Variants in CAPRIN2 observed in about 807,000 individuals in gnomAD.
The protein encoded by CAPRIN2 is caprin-2.
Under a neutral mutation model 130.4 loss-of-function variants are expected in CAPRIN2, and 66 were observed. The ratio of observed to expected loss-of-function variants is 0.51; its 90% CI spans 0.42 to 0.62. The LOEUF (loss-of-function observed/expected upper bound fraction) is 0.62, where lower values mean the gene tolerates loss of function less well. Ranked by LOEUF, CAPRIN2 falls within the 20% of genes least tolerant of loss-of-function variation. CAPRIN2 has a pLI of 0.00. For synonymous variants in CAPRIN2, 471 were observed against 444.1 expected (o/e 1.06, Z -0.76); for missense variants, 1,185 against 1,246.6 (o/e 0.95, Z 0.74).
chr12:30,731,493 GA>G lies in CAPRIN2; in HGVS notation c.909del (p.Leu304TyrfsTer6). 6.2e-7 allele frequency: 1 copy of G among 1,612,500 alleles called. No homozygotes were observed. The highest frequency in any genetic ancestry group is 8.5e-7 in the Non-Finnish European group (1 of 1,179,038). ...CCTGAGTTCAGCAATTTAGACAGTA[GA>G]TCCTTCAAGTGTTTGTCTAAGAAAG... On this transcript the variant is annotated frameshift_variant, in exon 6 of 17. Transcript: ENST00000298892. LOFTEE classifies it high-confidence loss of function.
At chr12:30,744,816 A>T (rs2069168061) in intron 2 of CAPRIN2, among the ~76,000 whole-genome samples, 1 of 152,184 alleles carries the variant, frequency 6.6e-6, no homozygotes, top group South Asian at 2.1e-4. Context: ...TAAGTACAGC[A>T]CCTCCTAGAG....
chr12:30,737,393 A>C (rs2065347978), intron 3 of CAPRIN2, among the ~76,000 whole-genome samples: 1 of 152,136 alleles, frequency 6.6e-6, no homozygotes, highest in Admixed American at 6.5e-5. Context: ...TCAGGGCCTC[A>C]AATTTTTGTT....
At chr12:30,742,297 T>C (rs2067854344) in intron 2 of CAPRIN2, among the ~76,000 whole-genome samples, 1 of 152,122 alleles carries the variant, frequency 6.6e-6, no homozygotes, top group Non-Finnish European at 1.5e-5. Context: ...TACAGAACAA[T>C]AGGAACTCCT....
chr12:30,724,744 A>C (rs531370882), intron 9 of CAPRIN2, among the ~76,000 whole-genome samples: 1 of 152,128 alleles, frequency 6.6e-6, no homozygotes, highest in Non-Finnish European at 1.5e-5. Context: ...TAACCCCAGC[A>C]CTCTGGGAGG....
chr12:30,710,004 G>T lies in CAPRIN2; in HGVS notation c.3132C>A (p.Leu1044=). ...GTAACCATATCTGGTCTCCCTGGAA[G>T]AGCTGAAGAATTGCATGATTGCTAG... is the stretch of plus-strand genomic sequence containing the variant. The change falls in exon 17 of 17, where the codon CTC becomes CTA. Residue 1044 remains leucine (L), a synonymous_variant. Transcript: ENST00000298892. The surrounding 1 kb of genome is among the most constrained non-coding windows in gnomAD (Gnocchi z 4.8). The T allele has an allele frequency of 6.2e-7, 1 of 1,614,134 alleles. No homozygotes were observed. The highest frequency in any genetic ancestry group is 8.5e-7 in the Non-Finnish European group (1 of 1,180,032).
chr12:30,737,619 A>T (rs2065471472), intron 3 of CAPRIN2, among the ~76,000 whole-genome samples: 1 of 125,438 alleles, frequency 8.0e-6, no homozygotes, highest in African/African-American at 2.8e-5. Flanking sequence ...TTTTTTTGAG[A>T]CGTAGTCTCA....
chr12:30,740,031 A>G (rs1365646644), intron 3 of CAPRIN2, among the ~76,000 whole-genome samples: 1 of 152,206 alleles, frequency 6.6e-6, no homozygotes, highest in East Asian at 1.9e-4. Context: ...CTTAGCCAAG[A>G]ATTAGGATGG....
exon 4 of CAPRIN2, chr12:30,735,050 C>T: frequency 6.2e-7 from 1 of 1,614,124 alleles, no homozygotes. Context: ...AAATACACTG[C>T]ACCATTCAAA....
chr12:30,754,563 A>T (rs1194865756), upstream of CAPRIN2: 1 of 152,152 alleles, frequency 6.6e-6, no homozygotes, highest in African/African-American at 2.4e-5. Flanking sequence ...CGCTTCTGCA[A>T]GGCCCCGGGG....
At position 30,728,630 on chromosome 12, in the gene CAPRIN2, T is replaced by C; in HGVS notation, c.1782+18A>G. 1.3e-6 allele frequency: 2 copies of C among 1,574,566 alleles called. No homozygotes were observed. The highest frequency in any genetic ancestry group is 8.6e-7 in the Non-Finnish European group (1 of 1,161,918). ...TATGCCTACACTTACAGAAGCAGAA[T>C]GATACAGATCAACTCACATCTTTGG... On this transcript the variant is annotated intron_variant, in intron 8 of 16. Transcript: ENST00000298892.
chr12:30,711,675 C>T, intron 15 of CAPRIN2, 46 bp from the exon 18 acceptor site: 1 of 1,491,222 alleles, frequency 6.7e-7, no homozygotes, highest in Non-Finnish European at 9.4e-7. Flanking sequence ...AAATGCAGGA[C>T]TATAATTGGT....
At position 30,710,273 on chromosome 12, in the gene CAPRIN2, T is replaced by C. The variant is rs776471356; in HGVS notation, c.2863A>G (p.Thr955Ala). The C allele has an allele frequency of 6.2e-7, 1 of 1,614,008 alleles. No individual in the cohort carries two copies. The highest frequency in any genetic ancestry group is 8.5e-7 in the Non-Finnish European group (1 of 1,180,012). ...AAAGTTCCAGGGGCCAGATTAGAGG[T>C]TCTGGCTGCTGAGAAGGCAACTCGC... The change falls in exon 17 of 17, where the codon ACC becomes GCC. Residue 955 changes from threonine to alanine, a missense_variant. Transcript: ENST00000298892. The surrounding 1 kb of genome is among the most constrained non-coding windows in gnomAD (Gnocchi z 4.8).
At chr12:30,736,720 CT>C (rs535891822) in intron 3 of CAPRIN2, among the ~76,000 whole-genome samples, 114 of 152,286 alleles carry the variant, frequency 7.5e-4, no homozygotes, top group African/African-American at 2.7e-3. Flanking sequence ...CTCAGTAAGG[CT>C]TTTTGCAAGA....
chr12:30,739,631 C>T (rs911836990), intron 3 of CAPRIN2, among the ~76,000 whole-genome samples: 7 of 151,476 alleles, frequency 4.6e-5, no homozygotes, highest in African/African-American at 1.5e-4. Flanking sequence ...AGAAGAATCG[C>T]GTGAACCCGG....
At chr12:30,715,486 A>C (rs1288942873) in intron 13 of CAPRIN2, 9 of 460,032 alleles carry the variant, frequency 2.0e-5, no homozygotes, top group Non-Finnish European at 3.0e-5. Context: ...CAGAAAGTAG[A>C]ATGGTGGTTG....
intron 4 of CAPRIN2, among the ~76,000 whole-genome samples, chr12:30,734,105 A>G (rs2063630592): frequency 1.3e-5 from 2 of 152,234 alleles, no homozygotes; most frequent in Admixed American, 6.5e-5. Context: ...TGTTTTGCTT[A>G]TATTTCATAT....
At chr12:30,751,355 A>G (rs767558876) in intron 1 of CAPRIN2, 14 of 532,308 alleles carry the variant, frequency 2.6e-5, no homozygotes, top group Non-Finnish European at 4.1e-5. Flanking sequence ...AAACCTAAGC[A>G]GTAATAAAAC....
chr12:30,722,760 G>C (rs1474163135), intron 11 of CAPRIN2, among the ~76,000 whole-genome samples: 2 of 152,026 alleles, frequency 1.3e-5, no homozygotes, highest in Non-Finnish European at 2.9e-5. Flanking sequence ...AATTAGGCAG[G>C]TGTGGTGGCA....
chr12:30,741,002 C>A lies in CAPRIN2; in HGVS notation c.570+18G>T. 6.5e-7 allele frequency: 1 copy of A among 1,547,812 alleles called. No individual in the cohort carries two copies. The highest frequency in any genetic ancestry group is 1.8e-5 in the Admixed American group (1 of 56,520). The stretch of plus-strand genomic sequence containing the variant: ...TGGTTAAAACTGGTTTCAGGAAAAG[C>A]AAAGAAAACATACTCACATCTAGGC... On this transcript the variant is annotated intron_variant, in intron 3 of 16. Transcript: ENST00000298892.
Sources: allele counts gnomAD v4.1 joint callset (sites outside exome capture counted in the v4.1 genomes callset), GRCh38; gene constraint gnomAD v4.1.1; non-coding constraint Gnocchi (gnomAD v3.1); transcripts MANE v1.5; gene names NCBI Gene and HGNC (gene_info 2026-07-23, HGNC 2026-07-21).